Variants in TFCP2L1 observed in about 807,000 individuals in gnomAD.
TFCP2L1 encodes transcription factor CP2 like 1.
TFCP2L1 carries 12 observed loss-of-function variants against 72.2 expected under a neutral mutation model. That is an observed-to-expected ratio of 0.17 (90% CI 0.11 to 0.27). The LOEUF (loss-of-function observed/expected upper bound fraction) is 0.27. TFCP2L1 is among the 10% of genes least tolerant of loss of function. The probability of loss-of-function intolerance (pLI) is 1.00; values close to 1 mark genes in which losing one functional copy is unlikely to be tolerated. For missense variants in TFCP2L1, 488 were observed against 624.6 expected (o/e 0.78, Z 2.33); for synonymous variants, 260 against 251.0 (o/e 1.04, Z -0.34).
At chr2:121,229,145 G>A (rs533103819) in intron 13 of TFCP2L1, among the ~76,000 whole-genome samples, 2 of 152,158 alleles carry the variant, frequency 1.3e-5, no homozygotes, top group South Asian at 4.2e-4. Context: ...TCGAACTCCT[G>A]ACCTCAGGTG....
intron 7 of TFCP2L1, among the ~76,000 whole-genome samples, 176 bp downstream of exon 7, chr2:121,242,183 G>A (rs1296292224): frequency 6.6e-6 from 1 of 151,592 alleles, no homozygotes; most frequent in Non-Finnish European, 1.5e-5. Flanking sequence ...ATACCTCCCG[G>A]GCCACTGGGT....
chr2:121,261,320 C>T (rs1464843774), intron 2 of TFCP2L1, among the ~76,000 whole-genome samples: 2 of 152,088 alleles, frequency 1.3e-5, no homozygotes, highest in South Asian at 2.1e-4. Context: ...CTGGGGGCTC[C>T]TTAGAGAAAG....
In TFCP2L1 at chr2:121,248,975, G is replaced by A; in HGVS notation, c.397+7C>T. 3.2e-6 allele frequency: 5 copies of A among 1,581,246 alleles called. No individual in the cohort carries two copies. The highest frequency in any genetic ancestry group is 4.3e-6 in the Non-Finnish European group (5 of 1,164,064). On this transcript the variant is annotated splice_region_variant and intron_variant, in intron 4 of 14. Coordinates refer to ENST00000263707, the MANE Select transcript of TFCP2L1 (RefSeq NM_014553.3). ...CTTGCCTGGCCTCTCCTGGCCAGGA[G>A]ACTCACCGATGTCCAGGATCCGGTC...
At chr2:121,253,904 G>GC (rs1686660469) in intron 2 of TFCP2L1, among the ~76,000 whole-genome samples, 1 of 152,132 alleles carries the variant, frequency 6.6e-6, no homozygotes, top group Admixed American at 6.6e-5. Context: ...AACACAGTGG[G>GC]CCCAAGGTGA....
rs1471169684 is a variant in TFCP2L1, at chr2:121,248,909, G to A, written c.397+73C>T. The A allele has an allele frequency of 3.3e-6, 4 of 1,230,434 alleles. No homozygotes were observed. The Admixed American group carries it at 1.0e-4, about 32-fold the overall frequency. 76.2% of individuals were successfully genotyped at this position (1,230,434 alleles called of 1,614,324 possible). ...ACGCCTTCTCGGCATAGGTCCGGGTGGCATCCAGGAAGAACCCAATGTGGC... is the reference window on the plus strand; with the variant it reads ...ACGCCTTCTCGGCATAGGTCCGGGTAGCATCCAGGAAGAACCCAATGTGGC... On this transcript the variant is annotated intron_variant, in intron 4 of 14. Coordinates refer to ENST00000263707, the MANE Select transcript of TFCP2L1 (RefSeq NM_014553.3).
rs1413314909 is a variant in TFCP2L1 at position 121,216,893 on chromosome 2, T to C, written c.*7448A>G. 1 of 152,140 alleles carries C rather than the reference T, an allele frequency of 6.6e-6. No individual in the cohort carries two copies. Among genetic ancestry groups the C allele is most frequent in the Admixed American group, 6.5e-5 (1 of 15,278 alleles). 9.4% of individuals were successfully genotyped at this position (152,140 alleles called of 1,614,324 possible). On this transcript the variant is annotated 3_prime_UTR_variant, in exon 15 of 15. Transcript: ENST00000263707. Reference sequence around the variant, plus strand: ...AGAAATCATTTTAAATACATGAACATTAGAGAACACAGTAACCGTGCTTCC... The same window carrying C: ...AGAAATCATTTTAAATACATGAACACTAGAGAACACAGTAACCGTGCTTCC...
At chr2:121,253,554 G>A (rs1474495138) in intron 2 of TFCP2L1, among the ~76,000 whole-genome samples, 1 of 152,142 alleles carries the variant, frequency 6.6e-6, no homozygotes, top group Non-Finnish European at 1.5e-5. Context: ...CAATGTCCAG[G>A]TGGTCATTAA....
intron 2 of TFCP2L1, among the ~76,000 whole-genome samples, chr2:121,274,042 C>A (rs892631673): frequency 2.7e-5 from 4 of 147,236 alleles, no homozygotes; most frequent in African/African-American, 1.0e-4. Flanking sequence ...TGCAGTGAGC[C>A]GAGGTCACAC....
At chr2:121,234,483 T>C (rs1203552823) in intron 11 of TFCP2L1, among the ~76,000 whole-genome samples, 4 of 152,194 alleles carry the variant, frequency 2.6e-5, no homozygotes, top group Admixed American at 2.0e-4. Flanking sequence ...TCTCAGAACA[T>C]GCGTAACTCA....
In TFCP2L1 at chr2:121,285,174, A is replaced by T. The variant is rs13415738; in HGVS notation, c.-65T>A. ...AGCGCAGACGCGGGGCGCGCCGAGGACCCAGCGGCGGCTTCGCGCTCCGAA... is the reference window on the plus strand; with the variant it reads ...AGCGCAGACGCGGGGCGCGCCGAGGTCCCAGCGGCGGCTTCGCGCTCCGAA... On this transcript the variant is annotated 5_prime_UTR_variant, in exon 1 of 15. Coordinates refer to ENST00000263707, the MANE Select transcript of TFCP2L1 (RefSeq NM_014553.3). The T allele has an allele frequency of 0.39, 517,906 of 1,341,100 alleles. 101,146 individuals are homozygous for T. Among genetic ancestry groups the T allele is most frequent in the East Asian group, 0.62 (19,288 of 31,278 alleles). 83.1% of individuals were successfully genotyped at this position (1,341,100 alleles called of 1,614,324 possible).
intron 3 of TFCP2L1, 27 bp from the exon 4 acceptor site, chr2:121,249,114 A>C: frequency 6.6e-7 from 1 of 1,511,788 alleles, no homozygotes; most frequent in South Asian, 1.3e-5. Context: ...GCAGGGAAAC[A>C]AGTGACCGCG....
Position 121,216,854 on chromosome 2 carries a change from T to C in TFCP2L1, c.*7487A>G, listed in dbSNP as rs1685844814. 1 of 152,070 alleles carries C rather than the reference T, an allele frequency of 6.6e-6. No individual in the cohort carries two copies. The highest frequency in any genetic ancestry group is 2.4e-5 in the African/African-American group (1 of 41,382). 9.4% of individuals were successfully genotyped at this position (152,070 alleles called of 1,614,324 possible). ...CCCAATCTGGAGAAAGGTGTGGAGG[T>C]TACATCTTTAGAAAGAAATCATTTT... On this transcript the variant is annotated 3_prime_UTR_variant, in exon 15 of 15. Coordinates refer to ENST00000263707, the MANE Select transcript of TFCP2L1 (RefSeq NM_014553.3).
chr2:121,232,521 GT>G (rs1686165941), intron 12 of TFCP2L1, among the ~76,000 whole-genome samples: 1 of 152,152 alleles, frequency 6.6e-6, no homozygotes, highest in African/African-American at 2.4e-5. Context: ...CCCCAGCCCA[GT>G]GACACCCAGA....
At chr2:121,267,525 G>A (rs990797819) in intron 2 of TFCP2L1, among the ~76,000 whole-genome samples, 4 of 149,116 alleles carry the variant, frequency 2.7e-5, no homozygotes, top group East Asian at 3.9e-4. Flanking sequence ...ACGGAGTCTC[G>A]CTCTGTCACT....
chr2:121,277,743 A>G (rs1687174448), intron 2 of TFCP2L1, among the ~76,000 whole-genome samples: 1 of 152,212 alleles, frequency 6.6e-6, no homozygotes, highest in Non-Finnish European at 1.5e-5. Flanking sequence ...TTTCAATGAC[A>G]TGAGACGGCT....
chr2:121,236,984 G>A (rs1374149395), intron 10 of TFCP2L1, among the ~76,000 whole-genome samples: 3 of 152,230 alleles, frequency 2.0e-5, no homozygotes, highest in Non-Finnish European at 4.4e-5. Context: ...GCCGAGCTGA[G>A]GATGTGCGGG....
intron 6 of TFCP2L1, among the ~76,000 whole-genome samples, chr2:121,244,647 C>G (rs559251580): frequency 6.6e-6 from 1 of 152,148 alleles, no homozygotes; most frequent in Admixed American, 6.5e-5. Context: ...TGTAGAAGCT[C>G]CCACCCATGG....
intron 8 of TFCP2L1, among the ~76,000 whole-genome samples, chr2:121,238,476 G>A (rs1018623047): frequency 5.3e-5 from 8 of 152,176 alleles, no homozygotes; most frequent in South Asian, 4.2e-4. Flanking sequence ...GGCGGTGAAC[G>A]CTGCACAACA....
Position 121,234,059 on chromosome 2 carries a change from T to G in TFCP2L1, c.1198+32A>C, listed in dbSNP as rs1686196240. 1.9e-6 allele frequency: 3 copies of G among 1,582,424 alleles called. No homozygotes were observed. The Admixed American group carries it at 5.0e-5, about 26-fold the overall frequency. ...GAAAGCCAGGCTGCGGGACCCAATG[T>G]GTGGGTCCCAGCTCTGCTCCCCACA... On this transcript the variant is annotated intron_variant, in intron 12 of 14. Coordinates refer to ENST00000263707, the MANE Select transcript of TFCP2L1 (RefSeq NM_014553.3).
Sources: gnomAD v4.1 joint callset for allele counts (sites outside exome capture counted in the v4.1 genomes callset) on GRCh38, gnomAD v4.1.1 for gene constraint, MANE v1.5 for transcripts, NCBI Gene and HGNC (gene_info 2026-07-23, HGNC 2026-07-21) for gene names.